Variants in DYSF observed in about 807,000 individuals in gnomAD.
DYSF encodes the protein dysferlin, also known as dystrophy-associated fer-1-like 1.
A neutral mutation model predicts 274.9 loss-of-function variants in DYSF; 212 were observed. The ratio of observed to expected loss-of-function variants is 0.77; its 90% confidence interval spans 0.69 to 0.86. The LOEUF is 0.86. Among genes scored for constraint, DYSF ranks in the 40% least tolerant of loss-of-function variants. The pLI, the probability that DYSF is intolerant of heterozygous loss-of-function variation, is 0.00. For synonymous variants in DYSF, 1,091 were observed against 1,078.7 expected (o/e 1.01, Z -0.22); for missense variants, 2,666 against 2,783.2 (o/e 0.96, Z 0.95).
intron 1 of DYSF, among the ~76,000 whole-genome samples, chr2:71,476,970 A>G (rs1021962903): frequency 6.6e-6 from 1 of 152,070 alleles, no homozygotes; most frequent in Admixed American, 6.6e-5. Flanking sequence ...TTGAAATACC[A>G]CTTGCTGCCA....
intron 41 of DYSF, among the ~76,000 whole-genome samples, chr2:71,639,166 A>C (rs1415560039): frequency 6.6e-6 from 1 of 151,918 alleles, no homozygotes; most frequent in African/African-American, 2.4e-5. Context: ...CCCATTTTTA[A>C]ATTGGATGAT....
chr2:71,594,814 C>G (rs554244963), intron 32 of DYSF, among the ~76,000 whole-genome samples: 20 of 152,158 alleles, frequency 1.3e-4, no homozygotes, highest in Non-Finnish European at 2.9e-4. Flanking sequence ...TGCCAGCAGG[C>G]GACATCAGGT....
chr2:71,632,311 T>G (rs2094328295), intron 41 of DYSF, among the ~76,000 whole-genome samples: 1 of 152,200 alleles, frequency 6.6e-6, no homozygotes, highest in Non-Finnish European at 1.5e-5. Context: ...CACAGGGAAA[T>G]CAGAGCAAAT....
intron 42 of DYSF, among the ~76,000 whole-genome samples, chr2:71,655,629 T>A (rs1194691276): frequency 6.6e-6 from 1 of 152,238 alleles, no homozygotes; most frequent in Admixed American, 6.5e-5. Context: ...AAAGATACAC[T>A]TGGATTGATA....
rs752613230 is a variant in DYSF, at chr2:71,526,354, G to A, written c.1276+8G>A. 2 of 1,613,082 alleles carry A rather than the reference G, an allele frequency of 1.2e-6. No homozygotes were observed. The highest frequency in any genetic ancestry group is 2.2e-5 in the East Asian group (1 of 44,838). On this transcript the variant is annotated splice_region_variant and intron_variant, in intron 13 of 55. Transcript: ENST00000410020. Reference sequence around the variant, plus strand: ...CCGAGGACTTGCCGCAGAGTGCGTGGGGCGCGCCCTTGGGTGGGAGGTCTG... The same window carrying A: ...CCGAGGACTTGCCGCAGAGTGCGTGAGGCGCGCCCTTGGGTGGGAGGTCTG...
intron 30 of DYSF, among the ~76,000 whole-genome samples, chr2:71,577,565 C>A (rs537793282): frequency 6.6e-6 from 1 of 151,532 alleles, no homozygotes; most frequent in African/African-American, 2.4e-5. Context: ...CACACACATA[C>A]CCTCACACAC....
At chr2:71,653,957 TATAAC>T (rs2094719149) in intron 42 of DYSF, among the ~76,000 whole-genome samples, 1 of 151,564 alleles carries the variant, frequency 6.6e-6, no homozygotes, top group African/African-American at 2.4e-5. Context: ...ATATCATAAA[TATAAC>T]ATAAACATAA....
At chr2:71,613,951 G>A (rs570759467) in intron 40 of DYSF, among the ~76,000 whole-genome samples, 1 of 152,212 alleles carries the variant, frequency 6.6e-6, no homozygotes, top group East Asian at 1.9e-4. Flanking sequence ...GAGGCAGGGA[G>A]GGGCCTTATT....
At chr2:71,544,739 T>C (rs776605139) in intron 17 of DYSF, among the ~76,000 whole-genome samples, 9 of 152,178 alleles carry the variant, frequency 5.9e-5, no homozygotes, top group South Asian at 4.1e-4. Context: ...ACATCGTTTT[T>C]AAGCAAGACA....
At chr2:71,643,891 G>T (rs960521439) in intron 41 of DYSF, 74 bp from the exon 42 acceptor site, 49 of 1,211,190 alleles carry the variant, frequency 4.0e-5, no homozygotes, top group Middle Eastern at 3.8e-4. Flanking sequence ...AGCGGAGGGA[G>T]GGTTTCCAAC....
Position 71,630,384 on chromosome 2 carries a change from C to T in DYSF, c.4527+9775C>T, listed in dbSNP as rs140487272. 6.6e-5 allele frequency among the ~76,000 whole-genome samples: 10 copies of T among 152,296 alleles called. No individual in the cohort carries two copies. In the East Asian group the frequency reaches 1.2e-3, roughly 18 times the overall value. On this transcript the variant is annotated intron_variant, in intron 41 of 55. Transcript: ENST00000410020. ...GTAGGCCAGAGGGCCAGAGCTGCTG[C>T]GCCTACCAATGAACTCCTATGTAGG...
At position 71,512,241 on chromosome 2, in the gene DYSF, G is replaced by A. The variant is rs553400474; in HGVS notation, c.460+320G>A. The stretch of plus-strand genomic sequence containing the variant: ...TCTGAGCTGTGCAGTTCCAAGAAGG[G>A]TGTGTGGGGATGGGGTCTGACCCAG... On this transcript the variant is annotated intron_variant, in intron 5 of 55. Coordinates refer to ENST00000410020, the MANE Select transcript of DYSF (RefSeq NM_001130987.2). 2.0e-5 allele frequency among the ~76,000 whole-genome samples: 3 copies of A among 152,338 alleles called. No homozygotes were observed. In the East Asian group the frequency reaches 5.8e-4, roughly 29 times the overall value.
At position 71,494,287 on chromosome 2, in the gene DYSF, T is replaced by C. The variant is rs189050535; in HGVS notation, c.240-8927T>C. ...TTACTCATCCCTGGCCAGAACACTGTCTAAGTGATGCTGTGTCTGTCTCCG... is the reference window on the plus strand; with the variant it reads ...TTACTCATCCCTGGCCAGAACACTGCCTAAGTGATGCTGTGTCTGTCTCCG... On this transcript the variant is annotated intron_variant, in intron 3 of 55. Coordinates refer to ENST00000410020, the MANE Select transcript of DYSF (RefSeq NM_001130987.2). Among the ~76,000 whole-genome samples, 16 of 152,322 alleles carry C rather than the reference T, an allele frequency of 1.1e-4. No homozygotes were observed. The East Asian group carries it at 2.7e-3, about 26-fold the overall frequency.
intron 21 of DYSF, among the ~76,000 whole-genome samples, chr2:71,554,581 G>A (rs1257732893): frequency 6.6e-6 from 1 of 152,164 alleles, no homozygotes; most frequent in East Asian, 1.9e-4. Context: ...CCTGGGGGAG[G>A]GTGACCAAGC....
chr2:71,663,049 G>A (rs1035349810), intron 45 of DYSF, among the ~76,000 whole-genome samples: 9 of 29,278 alleles, frequency 3.1e-4, no homozygotes, highest in African/African-American at 5.7e-4. Context: ...GTGCGCGCAC[G>A]CGCGTGGTGT....
chr2:71,665,093 C>G (rs1050985999), intron 46 of DYSF, 69 bp from the exon 47 acceptor site: 53 of 1,607,582 alleles, frequency 3.3e-5, no homozygotes, highest in Non-Finnish European at 4.4e-5. Flanking sequence ...TACACCAGTC[C>G]CTGCATGCCC....
At chr2:71,669,284 G>A in intron 50 of DYSF, 77 bp downstream of exon 50, 2 of 1,263,042 alleles carry the variant, frequency 1.6e-6, no homozygotes, top group East Asian at 2.5e-5. Flanking sequence ...ACAGCACGGG[G>A]GGCTCTGGCT....
Position 71,557,202 on chromosome 2 carries a change from G to A in DYSF, c.2216+1131G>A, listed in dbSNP as rs376911919. Among the ~76,000 whole-genome samples, 120 of 152,330 alleles carry A rather than the reference G, an allele frequency of 7.9e-4. 3 individuals carry two copies. The South Asian group carries it at 0.012, about 16-fold the overall frequency. ...GAAAAATGGGCAGAGGAGGTAAAGT[G>A]CGTTAGGAAGTTAGAGGTGAGCACT... On this transcript the variant is annotated intron_variant, in intron 22 of 55. Transcript: ENST00000410020.
intron 41 of DYSF, among the ~76,000 whole-genome samples, chr2:71,642,458 A>G (rs1238766727): frequency 1.3e-5 from 2 of 152,196 alleles, no homozygotes; most frequent in South Asian, 4.1e-4. Flanking sequence ...TTTTCTTTAA[A>G]TTGAACTTTA....
Sources: gnomAD v4.1 joint callset for allele counts (sites outside exome capture counted in the v4.1 genomes callset) on GRCh38, gnomAD v4.1.1 for gene constraint, MANE v1.5 for transcripts, NCBI Gene and HGNC (gene_info 2026-07-23, HGNC 2026-07-21) for gene names.